The following RABGAP1L variants were observed in gnomAD, a reference collection of about 807,000 sequenced individuals.
RABGAP1L encodes RAB GTPase activating protein 1 like.
In RABGAP1L, 63 loss-of-function variants were observed where a neutral mutation model predicts 137.7. That is an observed-to-expected ratio of 0.46 (90% CI 0.37 to 0.56). The LOEUF is 0.56. Among genes scored for constraint, RABGAP1L ranks in the 20% least tolerant of loss-of-function variants. The probability of loss-of-function intolerance (pLI) is 0.00; values close to 1 mark genes in which losing one functional copy is unlikely to be tolerated. For missense variants in RABGAP1L, 1,095 were observed against 1,244.0 expected, an observed-to-expected ratio of 0.88 and a Z score of 1.80; for synonymous variants, 431 against 433.7, an observed-to-expected ratio of 0.99 and a Z score of 0.08.
intron 1 of RABGAP1L, among the ~76,000 whole-genome samples, chr1:174,217,888 G>A (rs144188079): frequency 3.0e-4 from 45 of 152,226 alleles, no homozygotes; most frequent in Admixed American, 1.3e-4. Context: ...GAGTAATGGT[G>A]TTAGTGTCAC....
In RABGAP1L at chr1:174,229,240, G is replaced by A. The variant is rs1558050334; in HGVS notation, c.332-1905G>A. ...TAACATTTTAACATTGCTTGTTTTT[G>A]CTTAGGAAGTTAGGCTGCTTAATAA... On this transcript the variant is annotated intron_variant, in intron 3 of 25. Coordinates refer to ENST00000681986, the MANE Select transcript of RABGAP1L (RefSeq NM_001366446.1). Among the ~76,000 whole-genome samples the A allele has an allele frequency of 2.0e-5, 3 of 152,246 alleles. No homozygotes were observed. In the South Asian group the frequency reaches 6.2e-4, roughly 32 times the overall value.
At chr1:174,325,780 A>C (rs1268662196) in intron 11 of RABGAP1L, among the ~76,000 whole-genome samples, 1 of 152,200 alleles carries the variant, frequency 6.6e-6, no homozygotes, top group Non-Finnish European at 1.5e-5. Flanking sequence ...TGGGACTAGC[A>C]GCAGCCGGTG....
At chr1:174,230,887 C>G (rs1005242240) in intron 3 of RABGAP1L, among the ~76,000 whole-genome samples, 73 of 152,050 alleles carry the variant, frequency 4.8e-4, no homozygotes, top group African/African-American at 1.7e-3. Flanking sequence ...GAAGAACTTA[C>G]AGCTAAGTAA....
At chr1:174,842,040 T>C (rs967402797) in intron 19 of RABGAP1L, among the ~76,000 whole-genome samples, 1 of 152,128 alleles carries the variant, frequency 6.6e-6, no homozygotes, top group African/African-American at 2.4e-5. Flanking sequence ...TTAAAATGCG[T>C]TTTATATTGA....
intron 11 of RABGAP1L, among the ~76,000 whole-genome samples, chr1:174,320,464 G>A (rs1009612066): frequency 2.0e-5 from 3 of 152,128 alleles, no homozygotes; most frequent in African/African-American, 7.2e-5. Flanking sequence ...ATATGCTGCA[G>A]TTTAGTCATG....
At position 174,976,186 on chromosome 1, in the gene RABGAP1L, A is replaced by G; in HGVS notation, c.2649+4A>G. On this transcript the variant is annotated splice_donor_region_variant and intron_variant, in intron 22 of 25. Coordinates refer to ENST00000681986, the MANE Select transcript of RABGAP1L (RefSeq NM_001366446.1). Reference sequence around the variant, plus strand: ...GCAAGAGGAAGAGACTGCCCAGGTAAAAGGAATAATATGTAGGCTTTTCTT... The same window carrying G: ...GCAAGAGGAAGAGACTGCCCAGGTAGAAGGAATAATATGTAGGCTTTTCTT... The G allele has an allele frequency of 6.5e-7, 1 of 1,540,154 alleles. No homozygotes were observed. Among genetic ancestry groups the G allele is most frequent in the African/African-American group, 1.4e-5 (1 of 72,894 alleles).
chr1:174,931,862 A>G (rs1573883791), intron 19 of RABGAP1L, among the ~76,000 whole-genome samples: 1 of 152,102 alleles, frequency 6.6e-6, no homozygotes, highest in East Asian at 1.9e-4. Flanking sequence ...AAGATTGTAC[A>G]TGTTGGCTTC....
intron 18 of RABGAP1L, among the ~76,000 whole-genome samples, chr1:174,753,532 A>G (rs1344943298): frequency 6.6e-6 from 1 of 152,242 alleles, no homozygotes; most frequent in Admixed American, 6.5e-5. Flanking sequence ...TTTTAAAATT[A>G]AATCGATTGT....
intron 15 of RABGAP1L, among the ~76,000 whole-genome samples, chr1:174,684,758 C>T (rs1678333125): frequency 6.6e-6 from 1 of 152,140 alleles, no homozygotes; most frequent in Non-Finnish European, 1.5e-5. Flanking sequence ...AGGAGGATCA[C>T]TTGAGCCCAG....
chr1:174,937,130 C>G (rs1043759067), intron 19 of RABGAP1L, among the ~76,000 whole-genome samples: 1 of 151,416 alleles, frequency 6.6e-6, no homozygotes, highest in African/African-American at 2.4e-5. Flanking sequence ...AGGCTCCTGC[C>G]ACCACGCCCG....
intron 11 of RABGAP1L, among the ~76,000 whole-genome samples, chr1:174,366,857 A>G (rs1558170644): frequency 1.3e-5 from 2 of 151,864 alleles, no homozygotes; most frequent in African/African-American, 4.8e-5. Flanking sequence ...TGCTCAAGGA[A>G]CTAAAGAAGT....
chr1:174,349,854 G>T (rs1288339047), intron 11 of RABGAP1L, among the ~76,000 whole-genome samples: 1 of 140,528 alleles, frequency 7.1e-6, no homozygotes, highest in East Asian at 2.3e-4. Context: ...CTGGCCGGGC[G>T]GGGCGCTGAC....
intron 19 of RABGAP1L, among the ~76,000 whole-genome samples, chr1:174,882,301 G>A (rs1654365512): frequency 1.3e-5 from 2 of 152,152 alleles, no homozygotes; most frequent in African/African-American, 4.8e-5. Flanking sequence ...GAGGTGTTTT[G>A]ATTCCTTGAA....
intron 18 of RABGAP1L, among the ~76,000 whole-genome samples, chr1:174,771,588 T>C (rs1686116352): frequency 6.6e-6 from 1 of 152,218 alleles, no homozygotes; most frequent in South Asian, 2.1e-4. Flanking sequence ...TAAAAATCTC[T>C]TTATAACCAT....
At chr1:174,201,258 A>G (rs928674680) in intron 1 of RABGAP1L, among the ~76,000 whole-genome samples, 15 of 150,738 alleles carry the variant, frequency 1.0e-4, no homozygotes, top group African/African-American at 3.7e-4. Context: ...CCCAGTGTAG[A>G]AATTTTTTTT....
chr1:174,770,071 A>G lies in RABGAP1L; in HGVS notation c.2211+17717A>G, dbSNP rs541102457. 1.1e-4 allele frequency among the ~76,000 whole-genome samples: 17 copies of G among 152,338 alleles called. No homozygotes were observed. In the South Asian group the frequency reaches 1.4e-3, roughly 13 times the overall value. On this transcript the variant is annotated intron_variant, in intron 18 of 25. Coordinates refer to ENST00000681986, the MANE Select transcript of RABGAP1L (RefSeq NM_001366446.1). ...CCTGAAAAAAAGAATGAAACAACTC[A>G]TAAACTTTTTTTTTGGATTTGCAAT...
chr1:174,892,181 G>T lies in RABGAP1L; in HGVS notation c.2341-65276G>T, dbSNP rs150870341. Among the ~76,000 whole-genome samples the T allele has an allele frequency of 2.6e-3, 390 of 152,322 alleles. 3 individuals carry two copies. The highest frequency in any genetic ancestry group is 9.1e-3 in the African/African-American group (378 of 41,570). On this transcript the variant is annotated intron_variant, in intron 19 of 25. Coordinates refer to ENST00000681986, the MANE Select transcript of RABGAP1L (RefSeq NM_001366446.1). ...TCTGGCCAGCTCCAGCACTCGGGTT[G>T]GGCCGGATGACCAGAGGCCTGTAGC...
intron 18 of RABGAP1L, among the ~76,000 whole-genome samples, chr1:174,792,356 A>G (rs1687922124): frequency 6.6e-6 from 1 of 152,260 alleles, no homozygotes; most frequent in African/African-American, 2.4e-5. Flanking sequence ...AGAATGGTCC[A>G]GAAACCACCT....
chr1:174,505,405 C>T (rs1661725062), intron 13 of RABGAP1L, among the ~76,000 whole-genome samples: 1 of 151,882 alleles, frequency 6.6e-6, no homozygotes. Flanking sequence ...AAACTTTATT[C>T]CCAAAACATT....
Sources: allele counts gnomAD v4.1 joint callset (sites outside exome capture counted in the v4.1 genomes callset), GRCh38; gene constraint gnomAD v4.1.1; transcripts MANE v1.5; gene names NCBI Gene and HGNC (gene_info 2026-07-23, HGNC 2026-07-21).